Variants in SMG7 observed in about 807,000 individuals in gnomAD.
The protein encoded by SMG7 is SMG7 nonsense mediated mRNA decay factor.
Under a neutral mutation model 148.2 loss-of-function variants are expected in SMG7, and 34 were observed. The ratio of observed to expected loss-of-function variants is 0.23; its 90% CI spans 0.17 to 0.31. SMG7 has a LOEUF of 0.31. Among genes scored for constraint, SMG7 ranks in the 10% least tolerant of loss-of-function variants. The pLI is 1.00. For missense variants in SMG7, 1,114 were observed against 1,408.4 expected (o/e 0.79, Z 3.35); for synonymous variants, 492 against 515.1 (o/e 0.96, Z 0.61).
intron 2 of SMG7, among the ~76,000 whole-genome samples, chr1:183,513,767 C>T (rs1662748542): frequency 6.6e-6 from 1 of 151,962 alleles, no homozygotes; most frequent in Admixed American, 6.6e-5. Flanking sequence ...CGGTGGCTCA[C>T]GCCTGTAATC....
chr1:183,488,308 C>T (rs751499886), intron 1 of SMG7, among the ~76,000 whole-genome samples: 5 of 151,788 alleles, frequency 3.3e-5, no homozygotes, highest in Non-Finnish European at 7.4e-5. Context: ...CAATATGGTA[C>T]CCACTGGCCA....
At chr1:183,502,278 G>T in intron 1 of SMG7, 1 of 1,533,006 alleles carries the variant, frequency 6.5e-7, no homozygotes, top group South Asian at 1.2e-5. Context: ...TCTACCTTAT[G>T]AGAAATTGGA....
At chr1:183,540,947 A>G (rs776708383) in intron 12 of SMG7, 37 bp from the exon 13 acceptor site, 3 of 1,605,194 alleles carry the variant, frequency 1.9e-6, no homozygotes, top group African/African-American at 1.3e-5. Flanking sequence ...ATCTTTAGCA[A>G]TTTAATATTC....
At chr1:183,549,694 A>G in intron 19 of SMG7, 70 bp from the exon 20 acceptor site, 1 of 1,292,688 alleles carries the variant, frequency 7.7e-7, no homozygotes, top group Admixed American at 1.8e-5. Context: ...GCATCCATGA[A>G]CAAGACATTG....
chr1:183,529,066 T>C (rs375875427), intron 7 of SMG7, 24 bp downstream of exon 7: 34 of 1,581,716 alleles, frequency 2.1e-5, no homozygotes, highest in Admixed American at 5.8e-5. Context: ...GTTTTTTTTT[T>C]CTCTTTCCAA....
intron 1 of SMG7, among the ~76,000 whole-genome samples, chr1:183,484,441 A>G (rs1166351150): frequency 6.6e-6 from 1 of 151,810 alleles, no homozygotes; most frequent in Non-Finnish European, 1.5e-5. Flanking sequence ...TCATACCACA[A>G]TAACCCTCAT....
chr1:183,498,916 C>T (rs923496000), intron 1 of SMG7, among the ~76,000 whole-genome samples: 1 of 152,250 alleles, frequency 6.6e-6, no homozygotes, highest in Non-Finnish European at 1.5e-5. Context: ...TTCATTCCCC[C>T]TCTCTTCCCC....
At chr1:183,546,642 A>G (rs789177) in intron 17 of SMG7, among the ~76,000 whole-genome samples, 26,590 of 152,194 alleles carry the variant, frequency 0.17, 2,890 homozygotes, top group African/African-American at 0.32. Flanking sequence ...GTTGGGCTGA[A>G]TCATCTAAGT....
At position 183,545,225 on chromosome 1, in the gene SMG7, T is replaced by A; in HGVS notation, c.2283T>A (p.Val761=). ...CACAGTCTACAAGCCAGCTGCAGGT[T>A]CAAGCTCTAACTCAGCAACAACAAT... is the stretch of plus-strand genomic sequence containing the variant. The part of the protein sequence containing the change: ...PTAQSTSQLQ[V]QALTQQQQSP... Residue 761 remains valine, a synonymous_variant, in exon 16 of 23, where the codon GTT becomes GTA. Coordinates refer to ENST00000688051, the MANE Select transcript of SMG7 (RefSeq NM_001375584.1). 6.2e-7 allele frequency: 1 copy of A among 1,614,104 alleles called. No individual in the cohort carries two copies. Among genetic ancestry groups the A allele is most frequent in the Non-Finnish European group, 8.5e-7 (1 of 1,180,014 alleles).
In SMG7 at chr1:183,526,684, C is replaced by T. The variant is rs778091276; in HGVS notation, c.401C>T (p.Thr134Met). 29 of 1,613,620 alleles carry T rather than the reference C, an allele frequency of 1.8e-5. No homozygotes were observed. The highest frequency in any genetic ancestry group is 8.9e-5 in the East Asian group (4 of 44,866). The change falls in exon 5 of 23, where the codon ACG (threonine) becomes ATG (methionine). Residue 134 changes from threonine (T) to methionine (M), a missense_variant. By Grantham distance (81) the Thr-to-Met change is moderately conservative. Transcript: ENST00000688051. ...SQLGIISNKQ[T>M]HTSAIVKPQS... ...TTGGGAATTATCAGCAATAAACAGA[C>T]GCATACCAGCGCCATAGTGAAGCCA...
Position 183,477,482 on chromosome 1 carries a change from A to G in SMG7, c.29+4833A>G, listed in dbSNP as rs182018731. On this transcript the variant is annotated intron_variant, in intron 1 of 22. Transcript: ENST00000688051. ...TGCATATGTGTATATATGCATATAT[A>G]CACGTGTGTGCATATGTGTATATAT... is the stretch of plus-strand genomic sequence containing the variant. Among the ~76,000 whole-genome samples, 9 of 150,384 alleles carry G rather than the reference A, an allele frequency of 6.0e-5. No individual in the cohort carries two copies. In the East Asian group the frequency reaches 1.8e-3, roughly 30 times the overall value.
chr1:183,550,082 AAAAG>A (rs1670715425), intron 20 of SMG7, 159 bp downstream of exon 20: 1 of 616,984 alleles, frequency 1.6e-6, no homozygotes, highest in Non-Finnish European at 2.7e-6. Flanking sequence ...TAGAAAAAAA[AAAAG>A]AAGAAGCCGG....
At chr1:183,490,984 C>T (rs1332798977) in intron 1 of SMG7, among the ~76,000 whole-genome samples, 1 of 152,198 alleles carries the variant, frequency 6.6e-6, no homozygotes, top group Non-Finnish European at 1.5e-5. Context: ...TGGGGTTTCG[C>T]CATGTTGGCC....
chr1:183,497,360 G>A (rs546919552), intron 1 of SMG7, among the ~76,000 whole-genome samples: 1 of 152,240 alleles, frequency 6.6e-6, no homozygotes, highest in South Asian at 2.1e-4. Flanking sequence ...AAAAGGGCAA[G>A]CCCAAATGTG....
intron 1 of SMG7, among the ~76,000 whole-genome samples, chr1:183,475,227 G>A (rs1172726795): frequency 6.6e-6 from 1 of 152,138 alleles, no homozygotes; most frequent in Non-Finnish European, 1.5e-5. Flanking sequence ...GTGAATAAAA[G>A]GGTGAACATG....
chr1:183,529,960 G>A (rs1240538152), intron 8 of SMG7, among the ~76,000 whole-genome samples: 1 of 152,096 alleles, frequency 6.6e-6, no homozygotes, highest in Non-Finnish European at 1.5e-5. Flanking sequence ...AGGAATGAGA[G>A]TTTCATTTAA....
At chr1:183,534,755 A>G (rs1169310215) in intron 10 of SMG7, among the ~76,000 whole-genome samples, 1 of 151,858 alleles carries the variant, frequency 6.6e-6, no homozygotes, top group Non-Finnish European at 1.5e-5. Context: ...TAATCCCACC[A>G]CTTCGGGAGG....
In SMG7 at chr1:183,527,038, TAATC is replaced by T. The variant is rs576213616; in HGVS notation, c.484+274_484+277del. On this transcript the variant is annotated intron_variant, in intron 5 of 22. Coordinates refer to ENST00000688051, the MANE Select transcript of SMG7 (RefSeq NM_001375584.1). This position sits in a 1 kb window ranked among gnomAD's most constrained non-coding sequence, Gnocchi z 4.0. Reference sequence around the variant, plus strand: ...AGGCAAATAATAAACAGCAAAAACATAATCAAAGCTTAATTTTTCAAAGTGGTGC... The same window carrying T: ...AGGCAAATAATAAACAGCAAAAACATAAAGCTTAATTTTTCAAAGTGGTGC... 3.3e-5 allele frequency among the ~76,000 whole-genome samples: 5 copies of T among 152,190 alleles called. No individual in the cohort carries two copies. The highest frequency in any genetic ancestry group is 4.8e-5 in the African/African-American group (2 of 41,456).
intron 12 of SMG7, among the ~76,000 whole-genome samples, 171 bp downstream of exon 12, chr1:183,538,611 C>A (rs1412237385): frequency 6.6e-6 from 1 of 152,156 alleles, no homozygotes; most frequent in African/African-American, 2.4e-5. Context: ...TATGTCACGC[C>A]TTCAATTCCT....
Sources: allele counts gnomAD v4.1 joint callset (sites outside exome capture counted in the v4.1 genomes callset), GRCh38; gene constraint gnomAD v4.1.1; non-coding constraint Gnocchi (gnomAD v3.1); transcripts MANE v1.5; gene names NCBI Gene and HGNC (gene_info 2026-07-23, HGNC 2026-07-21).